Variants in DDX5 observed in about 807,000 individuals in gnomAD.
The protein encoded by DDX5 is DEAD-box helicase 5.
In DDX5, 6 loss-of-function variants were observed where a neutral mutation model predicts 68.6. That is an observed-to-expected ratio of 0.09 (90% CI 0.05 to 0.17). DDX5 has a LOEUF of 0.17. Ranked by LOEUF, DDX5 falls within the 10% of genes least tolerant of loss-of-function variation. The probability of loss-of-function intolerance (pLI) is 1.00; values close to 1 mark genes in which losing one functional copy is unlikely to be tolerated. For missense variants in DDX5, 499 were observed against 756.1 expected, an observed-to-expected ratio of 0.66 and a Z score of 3.99; for synonymous variants, 350 against 247.0, an observed-to-expected ratio of 1.42 and a Z score of -3.91.
In DDX5 at chr17:64,506,130, G is replaced by A. The variant is rs1274152293; in HGVS notation, c.-11C>T. ...CGAATAACCCGACATGGCGTCAATG[G>A]TTGCGGTTGGCGGGGAACGAAGTAT... On this transcript the variant is annotated 5_prime_UTR_variant, in exon 1 of 13. Coordinates refer to ENST00000225792, the MANE Select transcript of DDX5 (RefSeq NM_004396.5). The A allele has an allele frequency of 6.2e-7, 1 of 1,610,838 alleles. No homozygotes were observed. The highest frequency in any genetic ancestry group is 8.5e-7 in the Non-Finnish European group (1 of 1,178,786).
Position 64,503,536 on chromosome 17 carries a change from T to C in DDX5, c.543A>G (p.Gln181=), listed in dbSNP as rs1555671486. The change falls in exon 6 of 13, where the codon CAA becomes CAG. Residue 181 remains glutamine (Q), a synonymous_variant. Transcript: ENST00000225792. ...LVLAPTRELA[Q]QVQQVAAEYC... is the part of the protein sequence containing the mutation. ...ATTCAGCAGCTACTTGCTGCACCTGTTGGGCCAGTTCCCGAGTTGGTGCCA... is the reference window on the plus strand; with the variant it reads ...ATTCAGCAGCTACTTGCTGCACCTGCTGGGCCAGTTCCCGAGTTGGTGCCA... 4 of 1,614,118 alleles carry C rather than the reference T, an allele frequency of 2.5e-6. No individual in the cohort carries two copies. Among genetic ancestry groups the C allele is most frequent in the African/African-American group, 2.7e-5 (2 of 74,938 alleles).
rs1415167485 is a variant in DDX5 at position 64,499,174 on chromosome 17, T to TATAGCCA, written c.*742_*748dup. Among the ~76,000 whole-genome samples, 4 of 152,208 alleles carry TATAGCCA rather than the reference T, an allele frequency of 2.6e-5. No individual in the cohort carries two copies. The highest frequency in any genetic ancestry group is 9.7e-5 in the African/African-American group (4 of 41,450). ...TGTTCAACATTTCAGTAATTCACAG[T>TATAGCCA]ATAGCCAAGAGCATGAGTATAAGTC... On this transcript the variant is annotated 3_prime_UTR_variant, in exon 13 of 13. Transcript: ENST00000225792.
intron 12 of DDX5, 69 bp downstream of exon 12, chr17:64,500,479 AC>A (rs1276171432): frequency 1.7e-5 from 26 of 1,540,960 alleles, no homozygotes; most frequent in Admixed American, 7.3e-5. Flanking sequence ...ACCCTCCAAT[AC>A]CATTTAAATG....
In DDX5 at chr17:64,505,934, T is replaced by C; in HGVS notation, c.44+142A>G. On this transcript the variant is annotated intron_variant, in intron 1 of 12. Coordinates refer to ENST00000225792, the MANE Select transcript of DDX5 (RefSeq NM_004396.5). ...AATCACTGTGACGTGAATATCAAAATGGCGCAAGCCTTCGGGAAAGGAAGT... is the reference window on the plus strand; with the variant it reads ...AATCACTGTGACGTGAATATCAAAACGGCGCAAGCCTTCGGGAAAGGAAGT... The C allele has an allele frequency of 3.9e-6, 6 of 1,534,510 alleles. No homozygotes were observed. The East Asian group carries it at 7.3e-5, about 19-fold the overall frequency.
At chr17:64,501,706 C>T in intron 11 of DDX5, 1 of 423,976 alleles carries the variant, frequency 2.4e-6, no homozygotes, top group South Asian at 3.4e-5. Flanking sequence ...GGATAACTTC[C>T]ATTTTTTCCC....
In DDX5 at chr17:64,500,184, TG is replaced by T; in HGVS notation, c.1583del (p.Ala528GlufsTer61). On this transcript the variant is annotated frameshift_variant, in exon 13 of 13. Coordinates refer to ENST00000225792, the MANE Select transcript of DDX5 (RefSeq NM_004396.5). LOFTEE classifies it high-confidence loss of function. ...CACTGTAAACACCATTCTGAGTTTT[TG>T]CCCCAAAATCTCTTTTAAGCAGGCT... Reference protein sequence around the residue: ...YSSLLKRDFGAKTQNGVYSAA... With the variant: ...YSSLLKRDFGXKTQNGVYSAA... The T allele has an allele frequency of 6.2e-7, 1 of 1,614,210 alleles. No individual in the cohort carries two copies.
rs1265292452 is a variant in DDX5, at chr17:64,506,256, T to C, written c.-137A>G. On this transcript the variant is annotated 5_prime_UTR_variant, in exon 1 of 13. Coordinates refer to ENST00000225792, the MANE Select transcript of DDX5 (RefSeq NM_004396.5). ...GGACACCGATGACACCAGCCGAAGC[T>C]GCACTACTAGAGACCGGTAGAAATG... The C allele has an allele frequency of 2.4e-5, 37 of 1,546,652 alleles. No individual in the cohort carries two copies. Among genetic ancestry groups the C allele is most frequent in the East Asian group, 4.9e-5 (2 of 40,976 alleles).
Position 64,505,920 on chromosome 17 carries a change from C to A in DDX5, c.44+156G>T, listed in dbSNP as rs1044719396. 5.2e-6 allele frequency: 8 copies of A among 1,534,126 alleles called. No individual in the cohort carries two copies. The African/African-American group carries it at 1.1e-4, about 21-fold the overall frequency. On this transcript the variant is annotated intron_variant, in intron 1 of 12. Transcript: ENST00000225792. The stretch of plus-strand genomic sequence containing the variant: ...GTCAAATCTCTTCCAATCACTGTGA[C>A]GTGAATATCAAAATGGCGCAAGCCT...
chr17:64,504,573 T>A, intron 2 of DDX5, 104 bp downstream of exon 2: 2 of 1,364,530 alleles, frequency 1.5e-6, no homozygotes, highest in Non-Finnish European at 2.0e-6. Context: ...TCAGAACATG[T>A]AACTCTACCA....
At chr17:64,503,930 C>G (rs1555671589) in intron 4 of DDX5, 53 bp downstream of exon 4, 4 of 1,613,352 alleles carry the variant, frequency 2.5e-6, no homozygotes, top group East Asian at 2.2e-5. Flanking sequence ...TTTAAATTAC[C>G]ATTACATTTT....
At chr17:64,500,407 T>C (rs2038268418) in intron 12 of DDX5, 81 bp from the exon 13 acceptor site, 2 of 1,543,164 alleles carry the variant, frequency 1.3e-6, no homozygotes, top group South Asian at 1.2e-5. Context: ...GATCTATTCA[T>C]GGTAGGCGTG....
At chr17:64,502,747 G>A in intron 8 of DDX5, 179 bp downstream of exon 8, 3 of 750,746 alleles carry the variant, frequency 4.0e-6, no homozygotes, top group Non-Finnish European at 6.3e-6. Context: ...CCTTCTATAG[G>A]AAAGCTATAA....
chr17:64,502,261 T>G, intron 9 of DDX5, 38 bp from the exon 10 acceptor site: 1 of 1,609,538 alleles, frequency 6.2e-7, no homozygotes, highest in Admixed American at 1.7e-5. Context: ...AAACTCACAT[T>G]GAAAACCTCA....
chr17:64,499,847 A>G lies in DDX5; in HGVS notation c.*76T>C, dbSNP rs1186533686. ...TTTCTGCAATTCCCATGTTTCTTAA[A>G]TAACTATCTTGTCAGATAACACACA... is the stretch of plus-strand genomic sequence containing the variant. On this transcript the variant is annotated 3_prime_UTR_variant, in exon 13 of 13. Transcript: ENST00000225792. 5.1e-6 allele frequency: 7 copies of G among 1,360,130 alleles called. No individual in the cohort carries two copies. The highest frequency in any genetic ancestry group is 2.4e-5 in the East Asian group (1 of 42,498). 84.3% of individuals were successfully genotyped at this position (1,360,130 alleles called of 1,614,324 possible). A position where few individuals can be genotyped will look rare whatever the true frequency, so the allele number is the denominator to read the frequency against.
intron 1 of DDX5, 23 bp downstream of exon 1, chr17:64,506,053 G>A (rs2038500838): frequency 2.1e-6 from 3 of 1,407,210 alleles, no homozygotes; most frequent in East Asian, 3.1e-5. Flanking sequence ...CGCCAGGCCT[G>A]ACAGCTCGGC....
chr17:64,506,263 C>A lies in DDX5; in HGVS notation c.-144G>T. 3 of 1,541,650 alleles carry A rather than the reference C, an allele frequency of 1.9e-6. No individual in the cohort carries two copies. Among genetic ancestry groups the A allele is most frequent in the Non-Finnish European group, 2.6e-6 (3 of 1,143,820 alleles). On this transcript the variant is annotated 5_prime_UTR_variant, in exon 1 of 13. Transcript: ENST00000225792. ...GATGACACCAGCCGAAGCTGCACTA[C>A]TAGAGACCGGTAGAAATGAATGAGG... is the stretch of plus-strand genomic sequence containing the variant.
In DDX5 at chr17:64,502,435, A is replaced by G. The variant is rs782093380; in HGVS notation, c.1094+4T>C. 8.8e-6 allele frequency: 14 copies of G among 1,599,698 alleles called. No individual in the cohort carries two copies. The South Asian group carries it at 1.5e-4, about 18-fold the overall frequency. ...TCTGCTTCAATGGAGGAGCTCACACATACCCATCTCTCCTCATTTTTCTGG... is the reference window on the plus strand; with the variant it reads ...TCTGCTTCAATGGAGGAGCTCACACGTACCCATCTCTCCTCATTTTTCTGG... On this transcript the variant is annotated splice_donor_region_variant and intron_variant, in intron 9 of 12. Transcript: ENST00000225792.
chr17:64,500,231 T>C lies in DDX5; in HGVS notation c.1537A>G (p.Asn513Asp). 2 of 1,614,168 alleles carry C rather than the reference T, an allele frequency of 1.2e-6. No homozygotes were observed. The highest frequency in any genetic ancestry group is 1.7e-6 in the Non-Finnish European group (2 of 1,180,018). Residue 513 changes from asparagine (N) to aspartate (D), a missense_variant, in exon 13 of 13, where the codon AAT (asparagine) becomes GAT (aspartate). By Grantham distance (23) the Asn-to-Asp change is conservative. Transcript: ENST00000225792. ...GGFNTFRDRE[N>D]YDRGYSSLLK... is the part of the protein sequence containing the mutation. Reference sequence around the variant, plus strand: ...AGGCTAGAGTAACCTCTGTCATAATTTTCCCTGTCTCTAAAGGTATTAAAT... The same window carrying C: ...AGGCTAGAGTAACCTCTGTCATAATCTTCCCTGTCTCTAAAGGTATTAAAT...
At chr17:64,500,417 G>C in intron 12 of DDX5, 91 bp from the exon 13 acceptor site, 2 of 1,535,802 alleles carry the variant, frequency 1.3e-6, no homozygotes, top group East Asian at 4.5e-5. Flanking sequence ...TGGTAGGCGT[G>C]AAATGTTTTT....
Sources: allele counts gnomAD v4.1 joint callset (sites outside exome capture counted in the v4.1 genomes callset), GRCh38; gene constraint gnomAD v4.1.1; transcripts MANE v1.5; gene names NCBI Gene and HGNC (gene_info 2026-07-23, HGNC 2026-07-21).